Variants in CD226 observed in about 807,000 individuals in gnomAD.
CD226 encodes CD226 antigen.
Under a neutral mutation model 34.9 loss-of-function variants are expected in CD226, and 24 were observed. The ratio of observed to expected loss-of-function variants is 0.69; its 90% CI spans 0.50 to 0.97. The LOEUF (loss-of-function observed/expected upper bound fraction) is 0.97. Among genes scored for constraint, CD226 ranks in the 50% least tolerant of loss-of-function variants. The pLI is 0.00. For missense variants in CD226, 397 were observed against 412.7 expected (o/e 0.96, Z 0.33); for synonymous variants, 148 against 147.4 (o/e 1.00, Z -0.03).
rs77609395 is a variant in CD226, at chr18:69,902,734, C to T, written c.383-6689G>A. ...ACCTCTCCCCAGGGTTTCTAAAGCACGAGACGATAACTTGTTCTTACGATG... is the reference window on the plus strand; with the variant it reads ...ACCTCTCCCCAGGGTTTCTAAAGCATGAGACGATAACTTGTTCTTACGATG... On this transcript the variant is annotated intron_variant, in intron 2 of 5. Coordinates refer to ENST00000582621, the MANE Select transcript of CD226 (RefSeq NM_001303618.2). Among the ~76,000 whole-genome samples the T allele has an allele frequency of 4.2e-3, 636 of 151,870 alleles. 5 individuals carry two copies. Among genetic ancestry groups the T allele is most frequent in the African/African-American group, 0.014 (592 of 41,426 alleles).
At chr18:69,898,203 G>T (rs1335100605) in intron 2 of CD226, among the ~76,000 whole-genome samples, 6 of 151,982 alleles carry the variant, frequency 3.9e-5, no homozygotes, top group Non-Finnish European at 8.8e-5. Context: ...GAACATAAAA[G>T]AAATGAAAAA....
rs1444017298 is a variant in CD226 at position 69,887,037 on chromosome 18, T to TA, written c.727+8663_727+8664insT. 2.0e-5 allele frequency among the ~76,000 whole-genome samples: 3 copies of TA among 152,324 alleles called. No individual in the cohort carries two copies. In the East Asian group the frequency reaches 5.8e-4, roughly 29 times the overall value. ...TAATAACCCATCTCATCTCTCTTTT[T>TA]TAAAAAGAGCCAATAATTTAAAAAT... On this transcript the variant is annotated intron_variant, in intron 3 of 5. Coordinates refer to ENST00000582621, the MANE Select transcript of CD226 (RefSeq NM_001303618.2).
intron 2 of CD226, among the ~76,000 whole-genome samples, chr18:69,946,358 G>A (rs2055792558): frequency 6.6e-6 from 1 of 152,090 alleles, no homozygotes; most frequent in South Asian, 2.1e-4. Flanking sequence ...TGATGTGGGT[G>A]CTGGAGTGTC....
At chr18:69,911,232 G>A (rs1334930012) in intron 2 of CD226, among the ~76,000 whole-genome samples, 2 of 151,190 alleles carry the variant, frequency 1.3e-5, no homozygotes, top group Admixed American at 6.5e-5. Context: ...GAAGGCTTCA[G>A]TGGAACAGGT....
At chr18:69,911,580 A>C (rs7506583) in intron 2 of CD226, among the ~76,000 whole-genome samples, 130,114 of 152,094 alleles carry the variant, frequency 0.86, 58,474 homozygotes, top group East Asian at 1. Flanking sequence ...GGTCGGCAAT[A>C]CTCACACACA....
At chr18:69,918,240 A>C (rs927210614) in intron 2 of CD226, among the ~76,000 whole-genome samples, 1 of 152,228 alleles carries the variant, frequency 6.6e-6, no homozygotes, top group Non-Finnish European at 1.5e-5. Context: ...GTAAGGGCCT[A>C]GTACATGAGA....
At chr18:69,864,505 A>C in intron 5 of CD226, 66 bp from the exon 6 acceptor site, 1 of 1,494,006 alleles carries the variant, frequency 6.7e-7, no homozygotes, top group Non-Finnish European at 9.2e-7. Context: ...GAAGACATTC[A>C]AAACATACCT....
Position 69,943,874 on chromosome 18 carries a change from C to CA in CD226, c.382+2859dup, listed in dbSNP as rs140903554. 9.3e-3 allele frequency among the ~76,000 whole-genome samples: 1,409 copies of CA among 151,766 alleles called. 28 individuals carry two copies. The highest frequency in any genetic ancestry group is 0.032 in the African/African-American group (1,310 of 41,396). ...CACATAATAAGCTATCAATAAATAG[C>CA]AAAAAATCAACATATTTACAGAGCA... On this transcript the variant is annotated intron_variant, in intron 2 of 5. Coordinates refer to ENST00000582621, the MANE Select transcript of CD226 (RefSeq NM_001303618.2).
chr18:69,942,830 A>G (rs1599029426), intron 2 of CD226, among the ~76,000 whole-genome samples: 1 of 152,256 alleles, frequency 6.6e-6, no homozygotes, highest in Non-Finnish European at 1.5e-5. Flanking sequence ...CATGAACTTT[A>G]CACCTCCACT....
rs138476878 is a variant in CD226 at position 69,864,292 on chromosome 18, T to A, written c.*22A>T. On this transcript the variant is annotated 3_prime_UTR_variant, in exon 6 of 6. Coordinates refer to ENST00000582621, the MANE Select transcript of CD226 (RefSeq NM_001303618.2). ...ATGAGTACATAAGAGTCATTACTAA[T>A]GCACTCATGTCAAGAATAAGCTTAA... The A allele has an allele frequency of 4.2e-4, 673 of 1,612,872 alleles. 1 individual carries two copies. The highest frequency in any genetic ancestry group is 2.6e-3 in the Middle Eastern group (16 of 6,056).
intron 2 of CD226, chr18:69,896,324 G>A (rs1784465228): frequency 4.9e-6 from 1 of 203,482 alleles, no homozygotes; most frequent in Non-Finnish European, 8.7e-6. Flanking sequence ...TGGGACTATA[G>A]GCGCCCGCCA....
At chr18:69,932,054 G>A (rs532052152) in intron 2 of CD226, among the ~76,000 whole-genome samples, 1 of 152,116 alleles carries the variant, frequency 6.6e-6, no homozygotes, top group Non-Finnish European at 1.5e-5. Context: ...TATTGGATTA[G>A]ATCCCACCCT....
At chr18:69,903,868 G>T (rs892925500) in intron 2 of CD226, among the ~76,000 whole-genome samples, 2 of 152,090 alleles carry the variant, frequency 1.3e-5, no homozygotes, top group Admixed American at 6.5e-5. Context: ...CCAGCTTTTG[G>T]TATCATGTGC....
At chr18:69,871,180 C>T (rs1215414755) in intron 4 of CD226, among the ~76,000 whole-genome samples, 2 of 152,162 alleles carry the variant, frequency 1.3e-5, no homozygotes, top group African/African-American at 2.4e-5. Flanking sequence ...CACATTTGCC[C>T]GGTTCCCATG....
In CD226 at chr18:69,859,409, G is replaced by A. The variant is rs1198114305; in HGVS notation, c.*4905C>T. 10 of 152,212 alleles carry A rather than the reference G, an allele frequency of 6.6e-5. No homozygotes were observed. Among genetic ancestry groups the A allele is most frequent in the South Asian group, 2.1e-4 (1 of 4,816 alleles). 9.4% of individuals were successfully genotyped at this position (152,212 alleles called of 1,614,324 possible). ...GGGAAAGCAAAATCATTTTTACCAT[G>A]TAGTTTAACTAAGAGTACTGGCAAG... On this transcript the variant is annotated 3_prime_UTR_variant, in exon 6 of 6. Coordinates refer to ENST00000582621, the MANE Select transcript of CD226 (RefSeq NM_001303618.2).
intron 2 of CD226, among the ~76,000 whole-genome samples, chr18:69,913,552 TA>T (rs754146935): frequency 6.6e-6 from 1 of 152,160 alleles, no homozygotes; most frequent in Non-Finnish European, 1.5e-5. Flanking sequence ...ATGTGAACAT[TA>T]TTTAAAAAAA....
At position 69,864,241 on chromosome 18, in the gene CD226, G is replaced by C; in HGVS notation, c.*73C>G. The C allele has an allele frequency of 1.3e-6, 2 of 1,486,362 alleles. No homozygotes were observed. Among genetic ancestry groups the C allele is most frequent in the Non-Finnish European group, 1.9e-6 (2 of 1,077,254 alleles). The allele number at this position is 1,486,362 out of a possible 1,614,324, so 92.1% of individuals were successfully genotyped here. ...TATCTAAGGTAGACCTTGGGTAGTG[G>C]AAAAAAATTGCATAAAGATCCATGC... On this transcript the variant is annotated 3_prime_UTR_variant, in exon 6 of 6. Coordinates refer to ENST00000582621, the MANE Select transcript of CD226 (RefSeq NM_001303618.2).
In CD226 at chr18:69,860,899, G is replaced by A. The variant is rs1982779594; in HGVS notation, c.*3415C>T. On this transcript the variant is annotated 3_prime_UTR_variant, in exon 6 of 6. Transcript: ENST00000582621. ...GCATCTTTATAATATCGTCAATCTT[G>A]CTGAAATTTCATATAAGCAGTACAA... The A allele has an allele frequency of 6.6e-6, 1 of 151,968 alleles. No individual in the cohort carries two copies. Among genetic ancestry groups the A allele is most frequent in the Non-Finnish European group, 1.5e-5 (1 of 67,944 alleles). The allele number at this position is 151,968 out of a possible 1,614,324, so 9.4% of individuals were successfully genotyped here.
At chr18:69,874,763 T>C (rs1430883816) in intron 3 of CD226, among the ~76,000 whole-genome samples, 1 of 141,222 alleles carries the variant, frequency 7.1e-6, no homozygotes, top group Non-Finnish European at 1.6e-5. Context: ...CTAAGACAAA[T>C]AAGCAAACAT....
Sources: gnomAD v4.1 joint callset for allele counts (sites outside exome capture counted in the v4.1 genomes callset) on GRCh38, gnomAD v4.1.1 for gene constraint, MANE v1.5 for transcripts, NCBI Gene and HGNC (gene_info 2026-07-23, HGNC 2026-07-21) for gene names.